Variants in NLRP6 observed in about 807,000 individuals in gnomAD.
The protein encoded by NLRP6 is NACHT, LRR and PYD domains-containing protein 6.
In NLRP6, 55 loss-of-function variants were observed where a neutral mutation model predicts 70.9. The observed-to-expected ratio is 0.78, with a 90% CI of 0.62 to 0.97. The LOEUF (loss-of-function observed/expected upper bound fraction) is 0.97, where lower values mean the gene tolerates loss of function less well. NLRP6 is among the 50% of genes least tolerant of loss of function. The pLI, the probability that NLRP6 is intolerant of heterozygous loss-of-function variation, is 0.00. For missense variants in NLRP6, 1,241 were observed against 1,238.3 expected, an observed-to-expected ratio of 1.00 and a Z score of -0.03; for synonymous variants, 652 against 581.9, an observed-to-expected ratio of 1.12 and a Z score of -1.73.
In NLRP6 at chr11:279,465, G is replaced by A. The variant is rs1181346954; in HGVS notation, c.168G>A (p.Leu56=). The A allele has an allele frequency of 1.4e-6, 2 of 1,418,154 alleles. No individual in the cohort carries two copies. The highest frequency in any genetic ancestry group is 1.8e-6 in the Non-Finnish European group (2 of 1,088,004). 87.8% of individuals were successfully genotyped at this position (1,418,154 alleles called of 1,614,324 possible). ...GACGCAGCATCCCGTGGGGGCGGCT[G>A]GAGCGCGCGGACGCCGTGGACCTCG... is the stretch of plus-strand genomic sequence containing the variant. ...PDGRSIPWGR[L]ERADAVDLAE... is the part of the protein sequence containing the mutation. Residue 56 remains leucine (L), a synonymous_variant, in exon 2 of 8, where the codon CTG becomes CTA. Transcript: ENST00000534750.
Position 284,280 on chromosome 11 carries a change from C to T in NLRP6, c.2249C>T (p.Ala750Val). 1.2e-6 allele frequency: 2 copies of T among 1,613,042 alleles called. No homozygotes were observed. Among genetic ancestry groups the T allele is most frequent in the Non-Finnish European group, 8.5e-7 (1 of 1,179,974 alleles). ...PDAVCRDLSE[A>V]LRAAPALTEL... is the part of the protein sequence containing the mutation. Reference sequence around the variant, plus strand: ...GCGGTCTGCCGAGACCTTTCTGAGGCCCTGAGGGCAGCCCCCGCACTGACG... The same window carrying T: ...GCGGTCTGCCGAGACCTTTCTGAGGTCCTGAGGGCAGCCCCCGCACTGACG... Residue 750 changes from alanine to valine, a missense_variant, in exon 6 of 8, where the codon GCC (alanine) becomes GTC (valine). Coordinates refer to ENST00000534750, the MANE Select transcript of NLRP6 (RefSeq NM_001276700.2).
At chr11:279,796 C>A (rs980955763) in intron 2 of NLRP6, 38 bp from the exon 3 acceptor site, 4 of 1,576,622 alleles carry the variant, frequency 2.5e-6, no homozygotes, top group Non-Finnish European at 2.6e-6. Context: ...TCCCCTGTTC[C>A]CGCCCTCGGC....
chr11:281,121 A>G lies in NLRP6; in HGVS notation c.1387A>G (p.Lys463Glu). 2 of 1,612,906 alleles carry G rather than the reference A, an allele frequency of 1.2e-6. No homozygotes were observed. Among genetic ancestry groups the G allele is most frequent in the Non-Finnish European group, 1.7e-6 (2 of 1,179,862 alleles). ...CGGACGCAGGGCGCAGTTTGCCGAGAAGGAACTGGAGCAACTGGAGCTTCG... is the reference window on the plus strand; with the variant it reads ...CGGACGCAGGGCGCAGTTTGCCGAGGAGGAACTGGAGCAACTGGAGCTTCG... The part of the protein sequence containing the change: ...VLGRRAQFAE[K>E]ELEQLELRGS... Residue 463 changes from lysine to glutamate, a missense_variant, in exon 4 of 8, where the codon AAG becomes GAG. Lys to Glu is a moderately conservative substitution (Grantham distance 56). Coordinates refer to ENST00000534750, the MANE Select transcript of NLRP6 (RefSeq NM_001276700.2).
At position 280,235 on chromosome 11, in the gene NLRP6, A is replaced by G. The variant is rs1217663219; in HGVS notation, c.501A>G (p.Glu167=). ...CGGAGGAGGCGATGGGGCCCGCGGA[A>G]GAGCCTGAGCCGGGGCGCGCGCGGC... ...AAPEEAMGPA[E]EPEPGRARRS... is the part of the protein sequence containing the mutation. Residue 167 remains glutamate (E), a synonymous_variant, in exon 4 of 8, where the codon GAA becomes GAG. Coordinates refer to ENST00000534750, the MANE Select transcript of NLRP6 (RefSeq NM_001276700.2). 2.6e-6 allele frequency: 4 copies of G among 1,542,272 alleles called. No individual in the cohort carries two copies. The highest frequency in any genetic ancestry group is 3.5e-6 in the Non-Finnish European group (4 of 1,144,232).
At chr11:283,824 C>T (rs936967388) in intron 5 of NLRP6, among the ~76,000 whole-genome samples, 3 of 151,724 alleles carry the variant, frequency 2.0e-5, no homozygotes, top group Non-Finnish European at 4.4e-5. Context: ...TCACATTTGG[C>T]CCAGCAATTC....
At chr11:279,692 T>C in intron 2 of NLRP6, 85 bp downstream of exon 2, 1 of 1,347,854 alleles carries the variant, frequency 7.4e-7, no homozygotes, top group Non-Finnish European at 9.6e-7. Flanking sequence ...CCCGGCGCGG[T>C]CCCCGGCCCC....
intron 4 of NLRP6, 50 bp downstream of exon 4, chr11:281,889 G>A (rs756549987): frequency 4.7e-6 from 7 of 1,489,038 alleles, no homozygotes; most frequent in South Asian, 2.6e-5. Context: ...TGTGTGTGCC[G>A]GTGCAAACCT....
intron 5 of NLRP6, among the ~76,000 whole-genome samples, chr11:283,763 G>T (rs192030413): frequency 6.6e-6 from 1 of 152,204 alleles, no homozygotes; most frequent in African/African-American, 2.4e-5. Context: ...GCTTGATATG[G>T]GGGTGGGGGA....
chr11:283,206 A>G (rs1350790271), intron 5 of NLRP6, among the ~76,000 whole-genome samples: 1 of 152,070 alleles, frequency 6.6e-6, no homozygotes, highest in African/African-American at 2.4e-5. Flanking sequence ...CTGCGTGCCC[A>G]GTAGCAAGTC....
In NLRP6 at chr11:281,737, C is replaced by A. The variant is rs1473323864; in HGVS notation, c.2003C>A (p.Ala668Asp). 2.5e-6 allele frequency: 4 copies of A among 1,612,766 alleles called. No homozygotes were observed. Among genetic ancestry groups the A allele is most frequent in the East Asian group, 2.2e-5 (1 of 44,902 alleles). Residue 668 changes from alanine (A) to aspartate (D), a missense_variant, in exon 4 of 8, where the codon GCT becomes GAT. Physicochemically the swap from Ala to Asp is moderately radical, Grantham distance 126. Coordinates refer to ENST00000534750, the MANE Select transcript of NLRP6 (RefSeq NM_001276700.2). ...VLSYCVRCCP[A>D]GQALRLISCR... is the part of the protein sequence containing the mutation. ...AGCTACTGCGTGAGGTGCTGCCCTG[C>A]TGGACAGGCACTGCGGCTGATCAGC...
chr11:285,067 G>A lies in NLRP6; in HGVS notation c.2538-99G>A, dbSNP rs535756170. ...CCCGGCCACCCCCACGGCACTGCCC[G>A]TCACTGCCCGCGGCCCGGCTGCCCC... On this transcript the variant is annotated intron_variant, in intron 7 of 7. Coordinates refer to ENST00000534750, the MANE Select transcript of NLRP6 (RefSeq NM_001276700.2). 333 of 1,082,128 alleles carry A rather than the reference G, an allele frequency of 3.1e-4. 1 individual carries two copies. Among genetic ancestry groups the A allele is most frequent in the Middle Eastern group, 5.5e-4 (2 of 3,608 alleles). The allele number at this position is 1,082,128 out of a possible 1,614,324, so 67.0% of individuals were successfully genotyped here. A position where few individuals can be genotyped will look rare whatever the true frequency, so the allele number is the denominator to read the frequency against.
At chr11:279,959 C>T in intron 3 of NLRP6, 87 bp downstream of exon 3, 1 of 1,419,678 alleles carries the variant, frequency 7.0e-7, no homozygotes, top group Non-Finnish European at 9.3e-7. Flanking sequence ...CCGCCAGGGG[C>T]GTGGGCTGTG....
chr11:281,874 T>G (rs765155675), intron 4 of NLRP6, 35 bp downstream of exon 4: 2 of 1,530,218 alleles, frequency 1.3e-6, no homozygotes, highest in Non-Finnish European at 1.8e-6. Context: ...CTCTTGTGTG[T>G]GAGGTGTGTG....
Position 281,820 on chromosome 11 carries a change from G to A in NLRP6, c.2086G>A (p.Ala696Thr), listed in dbSNP as rs1439305366. ...GAAGAGCCTGGGGAAGCGGCTCCAG[G>A]CCAGCCTGGGTGGCGGCAGGTGCGT... is the stretch of plus-strand genomic sequence containing the variant. Reference protein sequence around the residue: ...KKKSLGKRLQASLGGGSSQGT... With the variant: ...KKKSLGKRLQTSLGGGSSQGT... The change falls in exon 4 of 8, where the codon GCC becomes ACC. Residue 696 changes from alanine to threonine, a missense_variant. Physicochemically the swap from Ala to Thr is moderately conservative, Grantham distance 58. Transcript: ENST00000534750. 1.3e-6 allele frequency: 2 copies of A among 1,583,162 alleles called. No individual in the cohort carries two copies. The highest frequency in any genetic ancestry group is 1.7e-5 in the Admixed American group (1 of 58,212).
Position 285,180 on chromosome 11 carries a change from A to C in NLRP6, c.2552A>C (p.Glu851Ala). The change falls in exon 8 of 8, where the codon GAG (glutamate) becomes GCG (alanine). Residue 851 changes from glutamate (E) to alanine (A), a missense_variant. Transcript: ENST00000534750. ...GLQTLSLASV[E>A]LSEQSLQELQ... Reference sequence around the variant, plus strand: ...TGTGGCTGCAGTCTGGCCTCTGTGGAGCTGAGCGAGCAGTCACTACAGGAG... The same window carrying C: ...TGTGGCTGCAGTCTGGCCTCTGTGGCGCTGAGCGAGCAGTCACTACAGGAG... The C allele has an allele frequency of 6.3e-7, 1 of 1,589,024 alleles. No homozygotes were observed. Among genetic ancestry groups the C allele is most frequent in the Non-Finnish European group, 8.6e-7 (1 of 1,167,354 alleles).
In NLRP6 at chr11:285,375, G is replaced by A. The variant is rs185352194; in HGVS notation, c.*71G>A. On this transcript the variant is annotated 3_prime_UTR_variant, in exon 8 of 8. Coordinates refer to ENST00000534750, the MANE Select transcript of NLRP6 (RefSeq NM_001276700.2). ...TGTGGAGAGAACGGCCCATTCCAAG[G>A]GCAGGAGGATATTGCTCTCGGCCTT... 5.4e-5 allele frequency: 81 copies of A among 1,512,106 alleles called. No homozygotes were observed. The East Asian group carries it at 1.0e-3, about 19-fold the overall frequency. 93.7% of individuals were successfully genotyped at this position (1,512,106 alleles called of 1,614,324 possible).
In NLRP6 at chr11:281,766, A is replaced by G; in HGVS notation, c.2032A>G (p.Arg678Gly). ...AGQALRLISCRLVAAQEKKKK... is the reference protein window; with the variant it reads ...AGQALRLISCGLVAAQEKKKK... Reference sequence around the variant, plus strand: ...ACAGGCACTGCGGCTGATCAGCTGCAGATTGGTTGCTGCGCAGGAGAAGAA... The same window carrying G: ...ACAGGCACTGCGGCTGATCAGCTGCGGATTGGTTGCTGCGCAGGAGAAGAA... Residue 678 changes from arginine (R) to glycine (G), a missense_variant, in exon 4 of 8, where the codon AGA (arginine) becomes GGA (glycine). Transcript: ENST00000534750. 4 of 1,610,120 alleles carry G rather than the reference A, an allele frequency of 2.5e-6. No individual in the cohort carries two copies. Among genetic ancestry groups the G allele is most frequent in the Non-Finnish European group, 3.4e-6 (4 of 1,179,384 alleles).
intron 5 of NLRP6, among the ~76,000 whole-genome samples, chr11:283,548 C>G (rs576731789): frequency 3.9e-5 from 6 of 152,056 alleles, no homozygotes; most frequent in Non-Finnish European, 7.4e-5. Flanking sequence ...CTCCTGACCT[C>G]GTGATCCACC....
intron 7 of NLRP6, among the ~76,000 whole-genome samples, chr11:284,965 C>A (rs2134011733): frequency 6.6e-6 from 1 of 152,224 alleles, no homozygotes; most frequent in African/African-American, 2.4e-5. Context: ...CAGCCTCTGA[C>A]AAACCTCTCA....
Sources: gnomAD v4.1 joint callset for allele counts (sites outside exome capture counted in the v4.1 genomes callset) on GRCh38, gnomAD v4.1.1 for gene constraint, MANE v1.5 for transcripts, NCBI Gene and HGNC (gene_info 2026-07-23, HGNC 2026-07-21) for gene names.